ANK3: variants seen among roughly 807,000 people sequenced by gnomAD.
ANK3 encodes the protein ankyrin-3.
In ANK3, 57 loss-of-function variants were observed where a neutral mutation model predicts 370.9. The ratio of observed to expected loss-of-function variants is 0.15; its 90% CI spans 0.12 to 0.19. ANK3 has a LOEUF of 0.19. Ranked by LOEUF, ANK3 falls within the 10% of genes least tolerant of loss-of-function variation. The probability of loss-of-function intolerance (pLI) is 1.00; values close to 1 mark genes in which losing one functional copy is unlikely to be tolerated. For missense variants in ANK3, 4,439 were observed against 5,302.1 expected (o/e 0.84, Z 5.06); for synonymous variants, 1,929 against 1,946.3 (o/e 0.99, Z 0.23).
chr10:60,099,174 G>A (rs1286768553), intron 28 of ANK3, among the ~76,000 whole-genome samples: 1 of 152,062 alleles, frequency 6.6e-6, no homozygotes, highest in African/African-American at 2.4e-5. Context: ...TCTCCATTTG[G>A]TGTAGCCTCC....
chr10:60,450,329 C>T (rs1404332431), intron 2 of ANK3, among the ~76,000 whole-genome samples: 2 of 152,102 alleles, frequency 1.3e-5, no homozygotes, highest in African/African-American at 4.8e-5. Context: ...TGAACAAGCT[C>T]TGATTTGCGG....
At chr10:60,720,862 C>T (rs1010285793) in intron 1 of ANK3, among the ~76,000 whole-genome samples, 1 of 152,206 alleles carries the variant, frequency 6.6e-6, no homozygotes, top group African/African-American at 2.4e-5. Flanking sequence ...ATCTGCCAGT[C>T]TCAGCCTCCC....
chr10:60,564,439 T>A (rs1417674841), intron 2 of ANK3, among the ~76,000 whole-genome samples: 2 of 152,104 alleles, frequency 1.3e-5, no homozygotes, highest in African/African-American at 4.8e-5. Context: ...TTAAGCAATG[T>A]CCAAACACGA....
chr10:60,563,765 C>T (rs1004532368), intron 2 of ANK3, among the ~76,000 whole-genome samples: 47 of 152,148 alleles, frequency 3.1e-4, no homozygotes, highest in African/African-American at 1.1e-3. Context: ...AGAGTCTATG[C>T]CCCAAGGCTA....
chr10:60,653,734 G>A (rs2078823622), intron 1 of ANK3, among the ~76,000 whole-genome samples: 2 of 152,172 alleles, frequency 1.3e-5, no homozygotes, highest in African/African-American at 2.4e-5. Flanking sequence ...TGGGTGTGGT[G>A]GTGCACACCT....
intron 23 of ANK3, among the ~76,000 whole-genome samples, chr10:60,150,806 T>A (rs190092083): frequency 4.6e-5 from 7 of 152,282 alleles, no homozygotes; most frequent in Admixed American, 4.6e-4. Context: ...GCTGGTGCTA[T>A]GCTTGTACAA....
At chr10:60,465,096 T>C (rs2064979188) in intron 2 of ANK3, among the ~76,000 whole-genome samples, 2 of 151,802 alleles carry the variant, frequency 1.3e-5, no homozygotes, top group African/African-American at 4.8e-5. Flanking sequence ...GTGAAAGCTG[T>C]CCCCACAAAA....
intron 2 of ANK3, among the ~76,000 whole-genome samples, chr10:60,502,965 G>C (rs1033042366): frequency 6.6e-6 from 1 of 151,272 alleles, no homozygotes; most frequent in African/African-American, 2.4e-5. Context: ...AAGGAAGGAA[G>C]GGCGGGCAAG....
At chr10:60,188,278 C>T (rs2096394228) in intron 16 of ANK3, among the ~76,000 whole-genome samples, 1 of 152,158 alleles carries the variant, frequency 6.6e-6, no homozygotes, top group African/African-American at 2.4e-5. Context: ...AGCTGTGCCT[C>T]AGGAGCCATC....
chr10:60,516,024 T>C (rs1295514261), intron 2 of ANK3, among the ~76,000 whole-genome samples: 2 of 152,034 alleles, frequency 1.3e-5, no homozygotes, highest in African/African-American at 4.8e-5. Context: ...GTCAATGCTT[T>C]GAACAAAATT....
At chr10:60,237,823 A>T (rs988198840) in intron 7 of ANK3, among the ~76,000 whole-genome samples, 3 of 152,072 alleles carry the variant, frequency 2.0e-5, no homozygotes, top group African/African-American at 7.2e-5. Context: ...CTGTAATTTC[A>T]TTTTACCCTC....
chr10:60,679,079 A>G (rs1409034210), intron 1 of ANK3, among the ~76,000 whole-genome samples: 1 of 152,188 alleles, frequency 6.6e-6, no homozygotes, highest in Admixed American at 6.5e-5. Context: ...TAGTTAAAAC[A>G]TGGGTCTCTG....
intron 6 of ANK3, among the ~76,000 whole-genome samples, chr10:60,262,917 T>G (rs1371805045): frequency 1.3e-5 from 2 of 152,136 alleles, no homozygotes; most frequent in Non-Finnish European, 2.9e-5. Flanking sequence ...AAACACCAGG[T>G]TCAGCTGCAG....
chr10:60,275,882 G>C (rs999766464), intron 4 of ANK3, among the ~76,000 whole-genome samples: 1 of 152,154 alleles, frequency 6.6e-6, no homozygotes, highest in African/African-American at 2.4e-5. Flanking sequence ...GATGTCATTT[G>C]ACTGTGCAGT....
At chr10:60,422,330 T>C (rs1322179576) in intron 2 of ANK3, among the ~76,000 whole-genome samples, 1 of 152,140 alleles carries the variant, frequency 6.6e-6, no homozygotes, top group African/African-American at 2.4e-5. Flanking sequence ...GAGCATCTTC[T>C]ATGTACAAAA....
intron 1 of ANK3, among the ~76,000 whole-genome samples, chr10:60,341,390 G>C (rs953019992): frequency 1.3e-5 from 2 of 151,934 alleles, no homozygotes; most frequent in African/African-American, 4.8e-5. Flanking sequence ...CTTGTCTTCT[G>C]ATTAAGTTTT....
At chr10:60,099,834 G>A (rs987528016) in intron 28 of ANK3, among the ~76,000 whole-genome samples, 4 of 152,010 alleles carry the variant, frequency 2.6e-5, no homozygotes, top group Non-Finnish European at 4.4e-5. Context: ...GCAGTTTCTG[G>A]CACACTGGTC....
chr10:60,387,156 A>C (rs2062488565), intron 1 of ANK3, among the ~76,000 whole-genome samples: 2 of 149,134 alleles, frequency 1.3e-5, no homozygotes, highest in Admixed American at 1.3e-4. Flanking sequence ...GTGAGACTCC[A>C]TCTCAAAAAA....
chr10:60,464,158 C>T (rs957509068), intron 2 of ANK3, among the ~76,000 whole-genome samples: 1 of 152,092 alleles, frequency 6.6e-6, no homozygotes, highest in African/African-American at 2.4e-5. Context: ...GGGTGCTAAT[C>T]GGTGCTGTTG....
Sources: allele counts gnomAD v4.1 joint callset (sites outside exome capture counted in the v4.1 genomes callset), GRCh38; gene constraint gnomAD v4.1.1; transcripts MANE v1.5; gene names NCBI Gene and HGNC (gene_info 2026-07-23, HGNC 2026-07-21).